Variants in NUP88 observed in about 807,000 individuals in gnomAD.
NUP88 encodes the protein nucleoporin 88.
Under a neutral mutation model 93.9 loss-of-function variants are expected in NUP88, and 57 were observed. The ratio of observed to expected loss-of-function variants is 0.61; its 90% confidence interval spans 0.49 to 0.76. The LOEUF (loss-of-function observed/expected upper bound fraction) is 0.76. NUP88 is among the 30% of genes least tolerant of loss of function. NUP88 has a pLI of 0.00. For missense variants in NUP88, 911 were observed against 901.0 expected (o/e 1.01, Z -0.14); for synonymous variants, 346 against 336.8 (o/e 1.03, Z -0.30).
chr17:5,386,108 A>C lies in NUP88; in HGVS notation c.*98T>G. Reference sequence around the variant, plus strand: ...GATGAACCACACCAAAGGTCATCAAAACACCTTTTTATAAATTAGATAATT... The same window carrying C: ...GATGAACCACACCAAAGGTCATCAACACACCTTTTTATAAATTAGATAATT... On this transcript the variant is annotated 3_prime_UTR_variant, in exon 17 of 17. Transcript: ENST00000573584. 1.1e-6 allele frequency: 1 copy of C among 877,520 alleles called. No homozygotes were observed. Among genetic ancestry groups the C allele is most frequent in the Non-Finnish European group, 1.8e-6 (1 of 564,178 alleles). 54.4% of individuals were successfully genotyped at this position (877,520 alleles called of 1,614,324 possible).
intron 2 of NUP88, 125 bp downstream of exon 2, chr17:5,416,388 C>G: frequency 1.6e-6 from 1 of 606,880 alleles, no homozygotes; most frequent in South Asian, 2.7e-5. Flanking sequence ...AGAAGCCAGT[C>G]TGCAGACCAC....
At chr17:5,406,713 C>G (rs8066000) in intron 5 of NUP88, among the ~76,000 whole-genome samples, 66,259 of 151,510 alleles carry the variant, frequency 0.44, 15,226 homozygotes, top group East Asian at 0.84. Context: ...CACACTGGAA[C>G]AATTGTTTTG....
At chr17:5,399,495 A>G in intron 8 of NUP88, 57 bp downstream of exon 8, 4 of 880,014 alleles carry the variant, frequency 4.5e-6, no homozygotes, top group South Asian at 1.5e-5. Flanking sequence ...TCTGAAATCT[A>G]TTAAATCTAT....
intron 1 of NUP88, among the ~76,000 whole-genome samples, chr17:5,417,376 G>A (rs1914213585): frequency 6.6e-6 from 1 of 152,168 alleles, no homozygotes; most frequent in Admixed American, 6.5e-5. Context: ...GCTGAGGTGG[G>A]AGGATCACTC....
Position 5,405,216 on chromosome 17 carries a change from A to G in NUP88, c.885T>C (p.Gly295=). The G allele has an allele frequency of 1.2e-6, 2 of 1,613,104 alleles. No individual in the cohort carries two copies. The highest frequency in any genetic ancestry group is 1.7e-6 in the Non-Finnish European group (2 of 1,179,666). The change falls in exon 6 of 17, where the codon GGT becomes GGC. Residue 295 remains glycine, a synonymous_variant. Coordinates refer to ENST00000573584, the MANE Select transcript of NUP88 (RefSeq NM_002532.6). ...CAGCCGCAGGATGCATGGGCAATGG[A>G]CCCAACAGCTTTCCAATATTTCCAG... The part of the protein sequence containing the change: ...HSPGNIGKLL[G]PLPMHPAAED...
intron 2 of NUP88, among the ~76,000 whole-genome samples, chr17:5,415,268 C>T (rs184470894): frequency 3.9e-5 from 6 of 152,210 alleles, no homozygotes. Context: ...GATCCACCTG[C>T]CTCGGCCTCC....
chr17:5,416,180 T>TATATATATATATATATATAC (rs1374990658), intron 2 of NUP88, among the ~76,000 whole-genome samples: 1 of 107,330 alleles, frequency 9.3e-6, no homozygotes, highest in Admixed American at 9.7e-5. Flanking sequence ...TATATATATA[T>TATATATATATATATATATAC]ACACACATAC....
intron 4 of NUP88, among the ~76,000 whole-genome samples, chr17:5,410,077 T>TC (rs1913741726): frequency 6.6e-6 from 1 of 152,204 alleles, no homozygotes; most frequent in Non-Finnish European, 1.5e-5. Flanking sequence ...AGCAGGGAAG[T>TC]AGAATGATCT....
At chr17:5,410,877 T>G (rs3026141) in intron 3 of NUP88, 88 bp from the exon 4 acceptor site, 1 of 826,084 alleles carries the variant, frequency 1.2e-6, no homozygotes, top group African/African-American at 1.7e-5. Context: ...AGTCAGTTCT[T>G]GAGAATTTTC....
chr17:5,416,418 T>C, intron 2 of NUP88, 95 bp downstream of exon 2: 1 of 806,078 alleles, frequency 1.2e-6, no homozygotes, highest in Non-Finnish European at 1.9e-6. Context: ...TTTAATGTTT[T>C]AAGAGTAGTA....
rs149481620 is a variant in NUP88, at chr17:5,408,903, C to T, written c.687G>A (p.Ala229=). 35 of 1,574,610 alleles carry T rather than the reference C, an allele frequency of 2.2e-5. No individual in the cohort carries two copies. The highest frequency in any genetic ancestry group is 3.4e-4 in the Middle Eastern group (2 of 5,870). ...EESLVLNKGR[A]YTASLGETAV... ...CTGTCTCTCCTAGAGATGCGGTATA[C>T]GCCCTTCTGGAAAGAGATGTAAAAA... The change falls in exon 5 of 17, where the codon GCG becomes GCA. Residue 229 remains alanine (A), a synonymous_variant. Coordinates refer to ENST00000573584, the MANE Select transcript of NUP88 (RefSeq NM_002532.6).
At position 5,406,604 on chromosome 17, in the gene NUP88, A is replaced by G. The variant is rs8066382; in HGVS notation, c.858-1361T>C. Among the ~76,000 whole-genome samples the G allele has an allele frequency of 3.3e-3, 499 of 151,620 alleles. 8 individuals carry two copies. Among genetic ancestry groups the G allele is most frequent in the Admixed American group, 0.029 (447 of 15,224 alleles). ...CTATTTAAGAAAATAAGCCAGGCAGATGGTGAAGTAGGCAGATGATGCAGT... is the reference window on the plus strand; with the variant it reads ...CTATTTAAGAAAATAAGCCAGGCAGGTGGTGAAGTAGGCAGATGATGCAGT... On this transcript the variant is annotated intron_variant, in intron 5 of 16. Coordinates refer to ENST00000573584, the MANE Select transcript of NUP88 (RefSeq NM_002532.6).
At chr17:5,398,155 C>G (rs1379567041) in intron 8 of NUP88, among the ~76,000 whole-genome samples, 1 of 151,770 alleles carries the variant, frequency 6.6e-6, no homozygotes, top group Admixed American at 6.6e-5. Context: ...TCAAGTGCCT[C>G]GGCCTCCAAA....
At chr17:5,410,876 T>C (rs1456705807) in intron 3 of NUP88, 87 bp from the exon 4 acceptor site, 5 of 825,728 alleles carry the variant, frequency 6.1e-6, no homozygotes, top group Middle Eastern at 2.3e-4. Flanking sequence ...TAGTCAGTTC[T>C]TGAGAATTTT....
At chr17:5,404,962 A>T (rs1408138954) in intron 6 of NUP88, 95 bp downstream of exon 6, 30 of 1,063,766 alleles carry the variant, frequency 2.8e-5, no homozygotes, top group African/African-American at 4.8e-5. Context: ...TCCATAAGTA[A>T]GTTAAAATTC....
intron 10 of NUP88, 38 bp from the exon 11 acceptor site, chr17:5,388,998 G>T (rs891202363): frequency 6.8e-7 from 1 of 1,478,202 alleles, no homozygotes; most frequent in Non-Finnish European, 9.2e-7. Context: ...CTACCATGGA[G>T]TGATTTACTG....
chr17:5,401,721 T>G (rs1418013181), intron 7 of NUP88, among the ~76,000 whole-genome samples: 1 of 152,248 alleles, frequency 6.6e-6, no homozygotes, highest in East Asian at 1.9e-4. Context: ...GTTTTAAGAC[T>G]TAAGGCTCAA....
intron 1 of NUP88, among the ~76,000 whole-genome samples, chr17:5,416,906 T>C (rs1914186292): frequency 6.6e-6 from 1 of 151,604 alleles, no homozygotes; most frequent in South Asian, 2.1e-4. Flanking sequence ...ACTGCAGACT[T>C]TACTATGGGG....
At chr17:5,408,459 A>G (rs888867333) in intron 5 of NUP88, among the ~76,000 whole-genome samples, 2 of 152,248 alleles carry the variant, frequency 1.3e-5, no homozygotes, top group African/African-American at 4.8e-5. Flanking sequence ...GATAAACAAT[A>G]AGCACTTGTT....
Sources: allele counts gnomAD v4.1 joint callset (sites outside exome capture counted in the v4.1 genomes callset), GRCh38; gene constraint gnomAD v4.1.1; transcripts MANE v1.5; gene names NCBI Gene and HGNC (gene_info 2026-07-23, HGNC 2026-07-21).